The following RBCK1 variants were observed in gnomAD, a reference collection of about 807,000 sequenced individuals.
RBCK1 encodes the protein ranBP-type and C3HC4-type zinc finger-containing protein 1.
RBCK1 carries 44 observed loss-of-function variants against 71.1 expected under a neutral mutation model. The ratio of observed to expected loss-of-function variants is 0.62; its 90% CI spans 0.49 to 0.80. The LOEUF (loss-of-function observed/expected upper bound fraction) is 0.80. Ranked by LOEUF, RBCK1 falls within the 30% of genes least tolerant of loss-of-function variation. RBCK1 has a pLI of 0.00. For missense variants in RBCK1, 569 were observed against 685.0 expected (o/e 0.83, Z 1.89); for synonymous variants, 306 against 279.7 (o/e 1.09, Z -0.94).
chr20:416,602 G>A (rs1194309854), intron 2 of RBCK1, among the ~76,000 whole-genome samples: 1 of 152,058 alleles, frequency 6.6e-6, no homozygotes, highest in African/African-American at 2.4e-5. Context: ...CTTTGGGGTC[G>A]GTTCTGTTTT....
intron 4 of RBCK1, among the ~76,000 whole-genome samples, chr20:418,657 C>A (rs191104521): frequency 1.3e-5 from 2 of 152,348 alleles, no homozygotes; most frequent in African/African-American, 4.8e-5. Context: ...CGTGAGCCAC[C>A]ACGCCCAACC....
At position 420,201 on chromosome 20, in the gene RBCK1, C is replaced by A. The variant is rs920088727; in HGVS notation, c.756+470C>A. ...CTCTTCCCTCTCGGGCTGGGCCCAC[C>A]CCTGACTTCCTGAGAGCCTGGCCTG... On this transcript the variant is annotated intron_variant, in intron 6 of 11. Coordinates refer to ENST00000356286, the MANE Select transcript of RBCK1 (RefSeq NM_031229.4). 5 of 985,108 alleles carry A rather than the reference C, an allele frequency of 5.1e-6. No individual in the cohort carries two copies. The African/African-American group carries it at 8.8e-5, about 17-fold the overall frequency. 61.0% of individuals were successfully genotyped at this position (985,108 alleles called of 1,614,324 possible).
chr20:428,751 A>G lies in RBCK1; in HGVS notation c.1308+162A>G, dbSNP rs2016864904. On this transcript the variant is annotated intron_variant, in intron 10 of 11. Transcript: ENST00000356286. This position sits in a 1 kb window ranked among gnomAD's most constrained non-coding sequence, Gnocchi z 5.7. ...GAGGTGGGACTTAGGCCGAATGGTC[A>G]TGTCAGGAAGAGCGTCTGGGTGGAG... 1 of 1,403,110 alleles carries G rather than the reference A, an allele frequency of 7.1e-7. No individual in the cohort carries two copies. Among genetic ancestry groups the G allele is most frequent in the South Asian group, 1.5e-5 (1 of 65,920 alleles). The allele number at this position is 1,403,110 out of a possible 1,614,324, so 86.9% of individuals were successfully genotyped here. A position where few individuals can be genotyped will look rare whatever the true frequency, so the allele number is the denominator to read the frequency against.
rs190025248 is a variant in RBCK1, at chr20:422,411, C to T, written c.1029+173C>T. On this transcript the variant is annotated intron_variant, in intron 8 of 11. Coordinates refer to ENST00000356286, the MANE Select transcript of RBCK1 (RefSeq NM_031229.4). This position sits in a 1 kb window ranked among gnomAD's most constrained non-coding sequence, Gnocchi z 5.0. ...GGCTTAAGCGATCATTCATCCTCAG[C>T]CCCCCAGACATTTTTCAAGAGCTTT... Among the ~76,000 whole-genome samples the T allele has an allele frequency of 1.4e-3, 217 of 151,956 alleles. 1 individual carries two copies. Among genetic ancestry groups the T allele is most frequent in the Non-Finnish European group, 2.1e-3 (140 of 67,974 alleles).
At chr20:429,122 G>A in intron 11 of RBCK1, 28 bp downstream of exon 11, 1 of 1,596,826 alleles carries the variant, frequency 6.3e-7, no homozygotes, top group Non-Finnish European at 8.5e-7. Flanking sequence ...GTGGTGTGGA[G>A]AGGGTGCCCT....
At chr20:418,030 G>A (rs2016103323) in intron 4 of RBCK1, 100 bp downstream of exon 4, 2 of 1,239,566 alleles carry the variant, frequency 1.6e-6, no homozygotes, top group Admixed American at 5.3e-5. Flanking sequence ...TTTTAGTCAG[G>A]GACTCACCCA....
intron 2 of RBCK1, among the ~76,000 whole-genome samples, chr20:416,003 C>T (rs2015962238): frequency 1.3e-5 from 2 of 152,176 alleles, no homozygotes; most frequent in African/African-American, 4.8e-5. Flanking sequence ...CCAAACACCT[C>T]CCACCAGGCC....
intron 6 of RBCK1, chr20:420,416 G>A (rs1200242809): frequency 3.0e-5 from 30 of 984,046 alleles, no homozygotes; most frequent in Non-Finnish European, 3.6e-5. Flanking sequence ...CCCCACTCCT[G>A]TTCCCGTCTC....
At chr20:427,531 ATCT>A (rs920915830) in intron 9 of RBCK1, 39 bp downstream of exon 9, 13 of 1,606,784 alleles carry the variant, frequency 8.1e-6, no homozygotes, top group African/African-American at 1.3e-5. Flanking sequence ...AGTCACTGTC[ATCT>A]TGCCTGGAGC....
At chr20:420,698 G>GTCCCCCGTCCCCCATCCCATC in intron 6 of RBCK1, 173 bp from the exon 7 acceptor site, 1 of 3,050 alleles carries the variant, frequency 3.3e-4, no homozygotes, top group African/African-American at 0.014. Context: ...CCATCCCCCA[G>GTCCCCCGTCCCCCATCCCATC]CCCCACCCCC....
chr20:422,293 C>A lies in RBCK1; in HGVS notation c.1029+55C>A. On this transcript the variant is annotated intron_variant, in intron 8 of 11. Transcript: ENST00000356286. This position sits in a 1 kb window ranked among gnomAD's most constrained non-coding sequence, Gnocchi z 5.0. ...AAGTCCCAACTCCTAAGGAACTGGG[C>A]CCTGAGCAGGCAGCAGACATCTTTC... 2 of 1,397,914 alleles carry A rather than the reference C, an allele frequency of 1.4e-6. No individual in the cohort carries two copies. Among genetic ancestry groups the A allele is most frequent in the Non-Finnish European group, 2.0e-6 (2 of 993,060 alleles). 86.6% of individuals were successfully genotyped at this position (1,397,914 alleles called of 1,614,324 possible).
At position 429,077 on chromosome 20, in the gene RBCK1, C is replaced by G; in HGVS notation, c.1435C>G (p.Pro479Ala). 1 of 1,612,818 alleles carries G rather than the reference C, an allele frequency of 6.2e-7. No homozygotes were observed. The highest frequency in any genetic ancestry group is 8.5e-7 in the Non-Finnish European group (1 of 1,179,692). Residue 479 changes from proline to alanine, a missense_variant, in exon 11 of 12, where the codon CCA (proline) becomes GCA (alanine). This residue lies in a region of RBCK1 where 211 missense variants were observed against 309.4 expected (regional missense o/e 0.68). Coordinates refer to ENST00000356286, the MANE Select transcript of RBCK1 (RefSeq NM_031229.4). ...HTEICWVTKGPRWGPGGPGDT... is the reference protein window; with the variant it reads ...HTEICWVTKGARWGPGGPGDT... ...CGAGATCTGCTGGGTCACCAAGGGC[C>G]CACGCTGGGGCCCTGGGGTGAGTCT...
In RBCK1 at chr20:419,737, C is replaced by T. The variant is rs571442642; in HGVS notation, c.756+6C>T. 2 of 1,549,890 alleles carry T rather than the reference C, an allele frequency of 1.3e-6. No individual in the cohort carries two copies. Among genetic ancestry groups the T allele is most frequent in the East Asian group, 2.4e-5 (1 of 41,698 alleles). On this transcript the variant is annotated splice_donor_region_variant and intron_variant, in intron 6 of 11. Transcript: ENST00000356286. ...CGCTGCGTCAGTACCAGCAGGTGGG[C>T]GGGAAAGTCCCTGGACAGACACCTG...
chr20:418,636 G>A (rs1208897914), intron 4 of RBCK1, among the ~76,000 whole-genome samples: 2 of 152,188 alleles, frequency 1.3e-5, no homozygotes, highest in African/African-American at 2.4e-5. Flanking sequence ...CCAAAGTGCT[G>A]GGATTACAGG....
In RBCK1 at chr20:417,936, G is replaced by T; in HGVS notation, c.460+6G>T. 6.2e-7 allele frequency: 1 copy of T among 1,602,836 alleles called. No homozygotes were observed. The highest frequency in any genetic ancestry group is 1.7e-4 in the Middle Eastern group (1 of 6,014). ...GCAGCTGCGGATGCTGGAAGGTGAGGCTCTGCCCTGAGCACCGCCGGACCC... is the reference window on the plus strand; with the variant it reads ...GCAGCTGCGGATGCTGGAAGGTGAGTCTCTGCCCTGAGCACCGCCGGACCC... On this transcript the variant is annotated splice_donor_region_variant and intron_variant, in intron 4 of 11. Coordinates refer to ENST00000356286, the MANE Select transcript of RBCK1 (RefSeq NM_031229.4). The surrounding 1 kb of genome is among the most constrained non-coding windows in gnomAD (Gnocchi z 4.7).
Position 422,312 on chromosome 20 carries a change from ATCTTTCTTT to A in RBCK1, c.1029+85_1029+93del. The A allele has an allele frequency of 8.0e-7, 1 of 1,243,108 alleles. No homozygotes were observed. Among genetic ancestry groups the A allele is most frequent in the East Asian group, 2.3e-5 (1 of 42,796 alleles). 77.0% of individuals were successfully genotyped at this position (1,243,108 alleles called of 1,614,324 possible). A position where few individuals can be genotyped will look rare whatever the true frequency, so the allele number is the denominator to read the frequency against. ...ACTGGGCCCTGAGCAGGCAGCAGAC[ATCTTTCTTT>A]TCTTTCTTTTTTTTTTTTGGAGATG... On this transcript the variant is annotated intron_variant, in intron 8 of 11. Transcript: ENST00000356286. The surrounding 1 kb of genome is among the most constrained non-coding windows in gnomAD (Gnocchi z 5.0).
chr20:414,831 C>T (rs2015898609), intron 2 of RBCK1, among the ~76,000 whole-genome samples: 1 of 152,122 alleles, frequency 6.6e-6, no homozygotes, highest in South Asian at 2.1e-4. Context: ...TCATTTTTTA[C>T]TTTTCTTCTA....
Position 430,555 on chromosome 20 carries a change from G to GGTAGCTGAGGCTGACCAGGCCA in RBCK1, c.*125_*126insGTAGCTGAGGCTGACCAGGCCA. 1.1e-6 allele frequency: 1 copy of GGTAGCTGAGGCTGACCAGGCCA among 914,970 alleles called. No individual in the cohort carries two copies. 56.7% of individuals were successfully genotyped at this position (914,970 alleles called of 1,614,324 possible). Reference sequence around the variant, plus strand: ...TTGTAGGGGCCCTGCCTGCACTGCGGTTGTCCACGGTCACATCTGCCCCAG... The same window carrying GGTAGCTGAGGCTGACCAGGCCA: ...TTGTAGGGGCCCTGCCTGCACTGCGGGTAGCTGAGGCTGACCAGGCCATTGTCCACGGTCACATCTGCCCCAG... On this transcript the variant is annotated 3_prime_UTR_variant, in exon 12 of 12. Coordinates refer to ENST00000356286, the MANE Select transcript of RBCK1 (RefSeq NM_031229.4). This position sits in a 1 kb window ranked among gnomAD's most constrained non-coding sequence, Gnocchi z 5.6.
rs1242069781 is a variant in RBCK1 at position 428,083 on chromosome 20, G to T, written c.1210-408G>T. On this transcript the variant is annotated intron_variant, in intron 9 of 11. Coordinates refer to ENST00000356286, the MANE Select transcript of RBCK1 (RefSeq NM_031229.4). This position sits in a 1 kb window ranked among gnomAD's most constrained non-coding sequence, Gnocchi z 5.7. ...GGTGAGGAGCCGGTAAACAGGTCTG[G>T]AGCCTGGTCTCAGACTCAGCCTGAG... Among the ~76,000 whole-genome samples the T allele has an allele frequency of 6.6e-6, 1 of 152,170 alleles. No homozygotes were observed. Among genetic ancestry groups the T allele is most frequent in the African/African-American group, 2.4e-5 (1 of 41,430 alleles).
Sources: gnomAD v4.1 joint callset for allele counts (sites outside exome capture counted in the v4.1 genomes callset) on GRCh38, gnomAD v4.1.1 for gene constraint, gnomAD v4.1.1 regional missense constraint, Gnocchi (gnomAD v3.1) non-coding constraint, MANE v1.5 for transcripts, NCBI Gene and HGNC (gene_info 2026-07-23, HGNC 2026-07-21) for gene names.